Variants in NOL11 observed in about 807,000 individuals in gnomAD.
NOL11 encodes the protein nucleolar protein 11.
NOL11 carries 42 observed loss-of-function variants against 93.0 expected under a neutral mutation model. That is an observed-to-expected ratio of 0.45 (90% CI 0.35 to 0.58). NOL11 has a LOEUF of 0.58. Ranked by LOEUF, NOL11 falls within the 20% of genes least tolerant of loss-of-function variation. The pLI, the probability that NOL11 is intolerant of heterozygous loss-of-function variation, is 0.00. For synonymous variants in NOL11, 296 were observed against 293.7 expected (o/e 1.01, Z -0.08); for missense variants, 775 against 841.8 (o/e 0.92, Z 0.98).
intron 11 of NOL11, 120 bp from the exon 12 acceptor site, chr17:67,737,388 G>A: frequency 1.2e-6 from 1 of 842,986 alleles, no homozygotes; most frequent in Non-Finnish European, 1.9e-6. Context: ...GTCAGCTTCA[G>A]CTTTGCAGGA....
At chr17:67,737,175 T>C (rs1338221536) in intron 11 of NOL11, 30 bp downstream of exon 11, 2 of 1,376,818 alleles carry the variant, frequency 1.5e-6, no homozygotes, top group South Asian at 2.4e-5. Flanking sequence ...ATATGAAAAA[T>C]CAAACTCAAG....
intron 5 of NOL11, among the ~76,000 whole-genome samples, chr17:67,723,635 C>T (rs1206261749): frequency 6.6e-6 from 1 of 151,852 alleles, no homozygotes; most frequent in Admixed American, 6.6e-5. Flanking sequence ...GATCCACCGA[C>T]TGCGGCCTCC....
intron 15 of NOL11, among the ~76,000 whole-genome samples, 186 bp from the exon 16 acceptor site, chr17:67,739,330 C>T (rs550932371): frequency 3.0e-4 from 45 of 152,244 alleles, no homozygotes; most frequent in African/African-American, 1.0e-3. Flanking sequence ...ACCACCACTA[C>T]CCCCAAACCA....
intron 7 of NOL11, among the ~76,000 whole-genome samples, chr17:67,727,457 G>A (rs2055106529): frequency 2.0e-5 from 3 of 151,916 alleles, no homozygotes; most frequent in South Asian, 2.1e-4. Flanking sequence ...AGGGGAGCTC[G>A]AGCCAGCCTG....
At position 67,738,983 on chromosome 17, in the gene NOL11, G is replaced by A. The variant is rs756500735; in HGVS notation, c.1815G>A (p.Leu605=). ...GCGAGACATTTCTTCTGCCTCATTT[G>A]AAAGACATCCCAGCACAGCATATCA... is the stretch of plus-strand genomic sequence containing the variant. ...AYSETFLLPH[L]KDIPAQHITL... Residue 605 remains leucine, a synonymous_variant, in exon 15 of 18, where the codon TTG becomes TTA. Coordinates refer to ENST00000253247, the MANE Select transcript of NOL11 (RefSeq NM_015462.5). 6.2e-7 allele frequency: 1 copy of A among 1,612,694 alleles called. No individual in the cohort carries two copies. The highest frequency in any genetic ancestry group is 1.1e-5 in the South Asian group (1 of 91,020).
intron 7 of NOL11, among the ~76,000 whole-genome samples, chr17:67,727,836 G>A (rs1179171629): frequency 4.8e-5 from 7 of 145,062 alleles, no homozygotes; most frequent in African/African-American, 1.0e-4. Context: ...GCTTTTTGGC[G>A]CACAAACCCA....
chr17:67,739,920 GC>G (rs1181120075), intron 16 of NOL11, among the ~76,000 whole-genome samples: 2 of 152,134 alleles, frequency 1.3e-5, no homozygotes, highest in African/African-American at 4.8e-5. Flanking sequence ...AATATAGGTT[GC>G]CCCCTTAATC....
At chr17:67,730,506 C>T (rs917733395) in intron 7 of NOL11, among the ~76,000 whole-genome samples, 3 of 151,944 alleles carry the variant, frequency 2.0e-5, no homozygotes, top group Non-Finnish European at 4.4e-5. Context: ...ATGATCCGCC[C>T]GCCTCAGCCT....
intron 7 of NOL11, among the ~76,000 whole-genome samples, chr17:67,733,943 CTG>C (rs200653072): frequency 0.013 from 2,012 of 152,034 alleles, 25 homozygotes; most frequent in Middle Eastern, 0.031. Flanking sequence ...GGATATTGCT[CTG>C]TAGTTTTTTT....
chr17:67,719,930 G>T lies in NOL11; in HGVS notation c.280G>T (p.Asp94Tyr). The change falls in exon 3 of 18, where the codon GAT becomes TAT. Residue 94 changes from aspartate (D) to tyrosine (Y), a missense_variant. Asp to Tyr is a radical substitution (Grantham distance 160, BLOSUM62 -3). Around this residue, in one of 2 missense-constraint regions of NOL11, gnomAD observed 359 missense variants for 316.5 expected, o/e 1.13. Transcript: ENST00000253247. ...GGTTTTAAGAATATGGAATAATGAA[G>T]ATGTAAACCTGGATAAAGTATTTAA... ...NKVLRIWNNEDVNLDKVFKAT... is the reference protein window; with the variant it reads ...NKVLRIWNNEYVNLDKVFKAT... The T allele has an allele frequency of 6.4e-7, 1 of 1,573,708 alleles. No homozygotes were observed. Among genetic ancestry groups the T allele is most frequent in the Non-Finnish European group, 8.6e-7 (1 of 1,156,854 alleles).
At position 67,740,696 on chromosome 17, in the gene NOL11, C is replaced by T. The variant is rs150579812; in HGVS notation, c.1935+1088C>T. ...CTCCTACAAAGGCATGTCTATAGTT[C>T]CTTGTCTTTGGACATGTAAGAATTG... On this transcript the variant is annotated intron_variant, in intron 16 of 17. Transcript: ENST00000253247. 5.3e-3 allele frequency: 811 copies of T among 154,382 alleles called. 2 individuals carry two copies. The highest frequency in any genetic ancestry group is 8.6e-3 in the Non-Finnish European group (583 of 67,996). The allele number at this position is 154,382 out of a possible 1,614,324, so 9.6% of individuals were successfully genotyped here. A position where few individuals can be genotyped will look rare whatever the true frequency, so the allele number is the denominator to read the frequency against.
At chr17:67,730,992 G>A (rs78430576) in intron 7 of NOL11, among the ~76,000 whole-genome samples, 92 of 152,196 alleles carry the variant, frequency 6.0e-4, no homozygotes, top group African/African-American at 1.8e-3. Context: ...ACTTCATTTC[G>A]GTTTTGATTT....
intron 4 of NOL11, among the ~76,000 whole-genome samples, chr17:67,722,071 C>A (rs146180928): frequency 9.3e-4 from 141 of 152,338 alleles, no homozygotes; most frequent in African/African-American, 3.3e-3. Context: ...CTGGTACTTA[C>A]AACGTGGCCA....
intron 7 of NOL11, 110 bp downstream of exon 7, chr17:67,726,758 C>A: frequency 2.5e-6 from 2 of 795,090 alleles, no homozygotes; most frequent in Non-Finnish European, 3.6e-6. Context: ...AATTCATTCT[C>A]TTTATCAGCA....
chr17:67,724,149 T>G lies in NOL11; in HGVS notation c.620T>G (p.Phe207Cys). ...GACGAAAACTCTGTTATAAAGAGTT[T>G]TACTGCATCTGTAGATCGGAAATTC... ...GQDENSVIKS[F>C]TASVDRKFIS... The change falls in exon 6 of 18, where the codon TTT becomes TGT. Residue 207 changes from phenylalanine (F) to cysteine (C), a missense_variant. Physicochemically the swap from Phe to Cys is radical, Grantham distance 205. Transcript: ENST00000253247. 1 of 1,590,040 alleles carries G rather than the reference T, an allele frequency of 6.3e-7. No homozygotes were observed. Among genetic ancestry groups the G allele is most frequent in the Middle Eastern group, 1.7e-4 (1 of 5,956 alleles).
intron 6 of NOL11, among the ~76,000 whole-genome samples, chr17:67,725,830 G>C (rs77584998): frequency 6.6e-6 from 1 of 152,120 alleles, no homozygotes; most frequent in Non-Finnish European, 1.5e-5. Flanking sequence ...CTGTAATCCC[G>C]GTACTTTGGG....
intron 7 of NOL11, among the ~76,000 whole-genome samples, chr17:67,731,615 G>C (rs1278914526): frequency 6.6e-6 from 1 of 152,186 alleles, no homozygotes; most frequent in African/African-American, 2.4e-5. Context: ...CCAAATCCAA[G>C]GTCATAAAGA....
intron 16 of NOL11, among the ~76,000 whole-genome samples, chr17:67,742,310 G>A (rs188041752): frequency 6.6e-5 from 10 of 152,260 alleles, no homozygotes; most frequent in South Asian, 4.1e-4. Context: ...GAAGGAAACC[G>A]TCTCTTCTTG....
In NOL11 at chr17:67,743,487, T is replaced by G; in HGVS notation, c.1944T>G (p.Asp648Glu). ...IHPPTLNQIM[D>E]WICLLLDANF... ...TTCCTATTCATCTTCAGATTATGGA[T>G]TGGATATGTCTACTTCTGGATGCAA... is the stretch of plus-strand genomic sequence containing the variant. The change falls in exon 17 of 18, where the codon GAT becomes GAG. Residue 648 changes from aspartate (D) to glutamate (E), a missense_variant. Coordinates refer to ENST00000253247, the MANE Select transcript of NOL11 (RefSeq NM_015462.5). 1 of 1,471,078 alleles carries G rather than the reference T, an allele frequency of 6.8e-7. No homozygotes were observed. The highest frequency in any genetic ancestry group is 9.4e-7 in the Non-Finnish European group (1 of 1,060,384). 91.1% of individuals were successfully genotyped at this position (1,471,078 alleles called of 1,614,324 possible).
Sources: allele counts gnomAD v4.1 joint callset (sites outside exome capture counted in the v4.1 genomes callset), GRCh38; gene constraint gnomAD v4.1.1; regional missense constraint gnomAD v4.1.1; transcripts MANE v1.5; gene names NCBI Gene and HGNC (gene_info 2026-07-23, HGNC 2026-07-21).